Variants in PALS2 observed in about 807,000 individuals in gnomAD.
PALS2 encodes protein PALS2.
In PALS2, 27 loss-of-function variants were observed where a neutral mutation model predicts 61.6. The observed-to-expected ratio is 0.44, with a 90% CI of 0.32 to 0.60. The LOEUF (loss-of-function observed/expected upper bound fraction) is 0.60, where lower values mean the gene tolerates loss of function less well. Among genes scored for constraint, PALS2 ranks in the 20% least tolerant of loss-of-function variants. The probability of loss-of-function intolerance (pLI) is 0.05; values close to 1 mark genes in which losing one functional copy is unlikely to be tolerated. For synonymous variants in PALS2, 236 were observed against 218.6 expected (o/e 1.08, Z -0.70); for missense variants, 554 against 639.4 (o/e 0.87, Z 1.44).
chr7:24,663,616 T>C lies in PALS2; in HGVS notation c.678T>C (p.Tyr226=). 1 of 1,593,238 alleles carries C rather than the reference T, an allele frequency of 6.3e-7. No homozygotes were observed. Among genetic ancestry groups the C allele is most frequent in the Non-Finnish European group, 8.6e-7 (1 of 1,162,556 alleles). ...QQVFVKCHFD[Y]NPYNDNLIPC... is the part of the protein sequence containing the mutation. ...TATTTGTGAAGTGTCATTTTGATTA[T>C]AATCCATACAATGACAACCTAATAC... Residue 226 remains tyrosine, a synonymous_variant, in exon 6 of 12, where the codon TAT becomes TAC. Coordinates refer to ENST00000222644, the MANE Select transcript of PALS2 (RefSeq NM_001303037.2).
intron 5 of PALS2, among the ~76,000 whole-genome samples, chr7:24,657,158 G>T (rs1345634912): frequency 6.6e-6 from 1 of 151,954 alleles, no homozygotes; most frequent in East Asian, 1.9e-4. Flanking sequence ...ACATTTTTTT[G>T]TTACCAGTAT....
At chr7:24,589,899 C>G (rs1428863163) in intron 1 of PALS2, among the ~76,000 whole-genome samples, 4 of 152,046 alleles carry the variant, frequency 2.6e-5, no homozygotes, top group Non-Finnish European at 5.9e-5. Context: ...TTTGGCAGTA[C>G]TATACTTTGC....
At position 24,593,670 on chromosome 7, in the gene PALS2, A is replaced by G. The variant is rs115251420; in HGVS notation, c.-3+20077A>G. On this transcript the variant is annotated intron_variant, in intron 1 of 11. Coordinates refer to ENST00000222644, the MANE Select transcript of PALS2 (RefSeq NM_001303037.2). Reference sequence around the variant, plus strand: ...TCTTGGGTGACAAGGTGAGTTGTCAATGAGCAGTAATATTTTGAAAGGAAT... The same window carrying G: ...TCTTGGGTGACAAGGTGAGTTGTCAGTGAGCAGTAATATTTTGAAAGGAAT... 2.7e-3 allele frequency among the ~76,000 whole-genome samples: 414 copies of G among 152,258 alleles called. 4 individuals carry two copies. Among genetic ancestry groups the G allele is most frequent in the African/African-American group, 9.5e-3 (396 of 41,558 alleles).
At chr7:24,586,026 A>T (rs1481833518) in intron 1 of PALS2, among the ~76,000 whole-genome samples, 4 of 152,148 alleles carry the variant, frequency 2.6e-5, no homozygotes, top group African/African-American at 9.7e-5. Context: ...TTTTCACTGA[A>T]AGCAAGTCTG....
At chr7:24,631,199 T>C (rs975886685) in intron 2 of PALS2, among the ~76,000 whole-genome samples, 2 of 152,198 alleles carry the variant, frequency 1.3e-5, no homozygotes, top group Non-Finnish European at 2.9e-5. Flanking sequence ...AATATCAACA[T>C]TCACATGAGT....
Position 24,691,397 on chromosome 7 carries a change from G to GTT in PALS2, c.*3784_*3785insTT. The GTT allele has an allele frequency of 2.8e-5, 3 of 108,236 alleles. 1 individual carries two copies. The highest frequency in any genetic ancestry group is 9.2e-5 in the African/African-American group (3 of 32,512). The allele number at this position is 108,236 out of a possible 1,614,324, so 6.7% of individuals were successfully genotyped here. A position where few individuals can be genotyped will look rare whatever the true frequency, so the allele number is the denominator to read the frequency against. Reference sequence around the variant, plus strand: ...GTTGCCATATATTATGTATGTGTGTGTGTGTGTGTATATATATATATATAT... The same window carrying GTT: ...GTTGCCATATATTATGTATGTGTGTGTTTGTGTGTGTATATATATATATATAT... On this transcript the variant is annotated 3_prime_UTR_variant, in exon 12 of 12. Coordinates refer to ENST00000222644, the MANE Select transcript of PALS2 (RefSeq NM_001303037.2).
intron 1 of PALS2, among the ~76,000 whole-genome samples, chr7:24,580,757 T>C (rs1265791317): frequency 2.6e-5 from 4 of 152,252 alleles, no homozygotes; most frequent in African/African-American, 9.6e-5. Context: ...CCAGTTTTAC[T>C]AGTTGAGCTT....
chr7:24,600,410 C>G (rs1440168689), intron 1 of PALS2, among the ~76,000 whole-genome samples: 1 of 152,088 alleles, frequency 6.6e-6, no homozygotes, highest in African/African-American at 2.4e-5. Context: ...ATAACAAGAT[C>G]CATGTCATTT....
At chr7:24,583,996 A>AT (rs566517021) in intron 1 of PALS2, among the ~76,000 whole-genome samples, 1 of 149,126 alleles carries the variant, frequency 6.7e-6, no homozygotes, top group Middle Eastern at 3.2e-3. Context: ...TGAACTCATC[A>AT]TTTTTTATGG....
Position 24,691,082 on chromosome 7 carries a change from A to G in PALS2, c.*3468A>G, listed in dbSNP as rs546675314. 108 of 152,252 alleles carry G rather than the reference A, an allele frequency of 7.1e-4. No individual in the cohort carries two copies. Among genetic ancestry groups the G allele is most frequent in the African/African-American group, 2.5e-3 (105 of 41,578 alleles). 9.4% of individuals were successfully genotyped at this position (152,252 alleles called of 1,614,324 possible). ...TATTAAATGGTACTTATTTTTATGT[A>G]TAACAAGTGTCATGATCCCAGTGAC... On this transcript the variant is annotated 3_prime_UTR_variant, in exon 12 of 12. Transcript: ENST00000222644.
In PALS2 at chr7:24,663,689, A is replaced by T. The variant is rs780713419; in HGVS notation, c.751A>T (p.Ile251Phe). 6.2e-7 allele frequency: 1 copy of T among 1,610,284 alleles called. No homozygotes were observed. The highest frequency in any genetic ancestry group is 1.1e-5 in the South Asian group (1 of 90,932). Residue 251 changes from isoleucine (I) to phenylalanine (F), a missense_variant, in exon 6 of 12, where the codon ATT (isoleucine) becomes TTT (phenylalanine). Ile to Phe is a conservative substitution (Grantham distance 21). Transcript: ENST00000222644. ...GTTTTCCAAAGGAGAGATTCTTCAG[A>T]TTGTAAATAGAGAAGATCCAAATTG... ...LKFSKGEILQIVNREDPNWWQ... is the reference protein window; with the variant it reads ...LKFSKGEILQFVNREDPNWWQ...
At chr7:24,648,842 T>G (rs1232605489) in intron 3 of PALS2, among the ~76,000 whole-genome samples, 2 of 148,956 alleles carry the variant, frequency 1.3e-5, no homozygotes. Context: ...GAAGTGGGGG[T>G]TGCAGTGAGC....
rs933230907 is a variant in PALS2, at chr7:24,648,344, G to A, written c.271-1268G>A. Among the ~76,000 whole-genome samples, 105 of 145,416 alleles carry A rather than the reference G, an allele frequency of 7.2e-4. 1 individual carries two copies. Among genetic ancestry groups the A allele is most frequent in the Admixed American group, 9.8e-4 (14 of 14,330 alleles). On this transcript the variant is annotated intron_variant, in intron 3 of 11. Transcript: ENST00000222644. ...TTTCACTCTTGTTGCCCAGGCTGGA[G>A]TACAATGGTGCAATCTCGGCTCACT...
chr7:24,660,345 CTT>C (rs1368649068), intron 5 of PALS2, among the ~76,000 whole-genome samples: 1 of 152,154 alleles, frequency 6.6e-6, no homozygotes, highest in Non-Finnish European at 1.5e-5. Context: ...CAGTAACAAA[CTT>C]TGCTATTAAT....
intron 1 of PALS2, among the ~76,000 whole-genome samples, chr7:24,616,392 T>G (rs1055905219): frequency 6.6e-6 from 1 of 152,190 alleles, no homozygotes; most frequent in Admixed American, 6.5e-5. Context: ...AGTATTTCTA[T>G]ATACAAACAA....
Position 24,687,752 on chromosome 7 carries a change from T to C in PALS2, c.*138T>C, listed in dbSNP as rs939087501. On this transcript the variant is annotated 3_prime_UTR_variant, in exon 12 of 12. Coordinates refer to ENST00000222644, the MANE Select transcript of PALS2 (RefSeq NM_001303037.2). The surrounding 1 kb of genome is among the most constrained non-coding windows in gnomAD (Gnocchi z 4.5). ...ATTTTTATGGTGTAGATTGAAATAA[T>C]AGTACACTTCTGAATTTTTATATAA... The C allele has an allele frequency of 2.5e-5, 19 of 748,580 alleles. No individual in the cohort carries two copies. The Admixed American group carries it at 2.6e-4, about 10-fold the overall frequency. 46.4% of individuals were successfully genotyped at this position (748,580 alleles called of 1,614,324 possible).
At position 24,688,722 on chromosome 7, in the gene PALS2, A is replaced by G. The variant is rs1184802447; in HGVS notation, c.*1108A>G. ...TTTTGTATACATACACACAAAATAT[A>G]TACATTATATAATATGTATATTATG... On this transcript the variant is annotated 3_prime_UTR_variant, in exon 12 of 12. Coordinates refer to ENST00000222644, the MANE Select transcript of PALS2 (RefSeq NM_001303037.2). 1.3e-5 allele frequency: 2 copies of G among 149,942 alleles called. No individual in the cohort carries two copies. The highest frequency in any genetic ancestry group is 4.9e-5 in the African/African-American group (2 of 41,048). 9.3% of individuals were successfully genotyped at this position (149,942 alleles called of 1,614,324 possible). A position where few individuals can be genotyped will look rare whatever the true frequency, so the allele number is the denominator to read the frequency against.
At chr7:24,641,037 C>G (rs1583926898) in intron 2 of PALS2, among the ~76,000 whole-genome samples, 2 of 139,402 alleles carry the variant, frequency 1.4e-5, no homozygotes, top group Middle Eastern at 3.8e-3. Flanking sequence ...AAAAGAATTA[C>G]TTACTTTCTG....
chr7:24,619,797 TC>T (rs1784427531), intron 1 of PALS2, among the ~76,000 whole-genome samples: 1 of 151,912 alleles, frequency 6.6e-6, no homozygotes, highest in Non-Finnish European at 1.5e-5. Flanking sequence ...AATGTTTATC[TC>T]CTCTAGTGAT....
Sources: allele counts gnomAD v4.1 joint callset (sites outside exome capture counted in the v4.1 genomes callset), GRCh38; gene constraint gnomAD v4.1.1; non-coding constraint Gnocchi (gnomAD v3.1); transcripts MANE v1.5; gene names NCBI Gene and HGNC (gene_info 2026-07-23, HGNC 2026-07-21).